ZFHX3: variants seen among roughly 807,000 people sequenced by gnomAD.
ZFHX3 encodes zinc finger homeobox protein 3.
In ZFHX3, 42 loss-of-function variants were observed where a neutral mutation model predicts 279.1. The ratio of observed to expected loss-of-function variants is 0.15; its 90% CI spans 0.12 to 0.19. The LOEUF (loss-of-function observed/expected upper bound fraction) is 0.19, where lower values mean the gene tolerates loss of function less well. Ranked by LOEUF, ZFHX3 falls within the 10% of genes least tolerant of loss-of-function variation. The pLI is 1.00. For missense variants in ZFHX3, 4,981 were observed against 4,754.0 expected, an observed-to-expected ratio of 1.05 and a Z score of -1.40; for synonymous variants, 2,293 against 1,957.8, an observed-to-expected ratio of 1.17 and a Z score of -4.52.
chr16:72,917,669 G>A (rs1031792898), intron 3 of ZFHX3, among the ~76,000 whole-genome samples: 1 of 152,098 alleles, frequency 6.6e-6, no homozygotes, highest in East Asian at 1.9e-4. Flanking sequence ...TCAATTCTAC[G>A]AAATAATAAT....
chr16:73,413,015 T>C (rs1597325039), intron 3 of ZFHX3, among the ~76,000 whole-genome samples: 1 of 152,162 alleles, frequency 6.6e-6, no homozygotes. Flanking sequence ...GAAAAATGTA[T>C]AGAAAGCTGC....
chr16:73,594,512 ACTTAT>A (rs2052029026), intron 2 of ZFHX3, among the ~76,000 whole-genome samples: 1 of 152,216 alleles, frequency 6.6e-6, no homozygotes, highest in Non-Finnish European at 1.5e-5. Flanking sequence ...AGGTGATAAG[ACTTAT>A]CTTGCCAGAA....
chr16:72,844,199 AGAACTAGC>A (rs1232493622), intron 4 of ZFHX3, among the ~76,000 whole-genome samples: 4 of 152,236 alleles, frequency 2.6e-5, no homozygotes, highest in African/African-American at 9.6e-5. Flanking sequence ...CCAGCCACAG[AGAACTAGC>A]AAAAGCCAAG....
In ZFHX3 at chr16:73,120,649, CCTTTTTTTTT is replaced by C. The variant is rs893354504; in HGVS notation, c.-897+10309_-897+10318del. ...TTGTTTTTCTGCCCTATCCTCTCTA[CCTTTTTTTTT>C]TTTTTTTTTTTTTGAGACAGAATCT... On this transcript the variant is annotated intron_variant, in intron 7 of 17. Coordinates refer to the ZFHX3 transcript ENST00000641206. Among the ~76,000 whole-genome samples the C allele has an allele frequency of 7.5e-5, 8 of 106,212 alleles. No homozygotes were observed. The East Asian group carries it at 1.5e-3, about 20-fold the overall frequency. The allele number at this position is 106,212 out of a possible 152,430, so 69.7% of individuals were successfully genotyped here.
chr16:73,355,465 C>T lies in ZFHX3; in HGVS notation c.-1290-37129G>A, dbSNP rs73589338. On this transcript the variant is annotated intron_variant, in intron 3 of 17. Transcript: ENST00000641206. ...CTCCTTCAACTAGGGGCAGAAAAGG[C>T]AGGTGCCATGGAGCTTTTTGGTGGC... 7.3e-3 allele frequency among the ~76,000 whole-genome samples: 1,117 copies of T among 152,284 alleles called. 6 individuals are homozygous for T. Among genetic ancestry groups the T allele is most frequent in the African/African-American group, 0.026 (1,068 of 41,536 alleles).
At chr16:73,777,643 G>A (rs1317334890) in intron 1 of ZFHX3, among the ~76,000 whole-genome samples, 1 of 150,404 alleles carries the variant, frequency 6.6e-6, no homozygotes, top group South Asian at 2.1e-4. Flanking sequence ...CTTTCCAACT[G>A]TATCAATGAT....
At chr16:73,710,106 C>G (rs1218602449) in intron 1 of ZFHX3, among the ~76,000 whole-genome samples, 1 of 152,130 alleles carries the variant, frequency 6.6e-6, no homozygotes, top group African/African-American at 2.4e-5. Flanking sequence ...TTTCTTGAAC[C>G]TGGGAGGTGG....
intron 4 of ZFHX3, among the ~76,000 whole-genome samples, chr16:73,291,351 A>G (rs924328561): frequency 3.3e-5 from 5 of 152,174 alleles, no homozygotes; most frequent in African/African-American, 1.2e-4. Flanking sequence ...GGGAGCTGCC[A>G]GTGAAAAAAA....
chr16:73,361,677 C>T (rs2016435960), intron 3 of ZFHX3, among the ~76,000 whole-genome samples: 1 of 152,158 alleles, frequency 6.6e-6, no homozygotes, highest in Non-Finnish European at 1.5e-5. Context: ...TAAAAGTTAG[C>T]AAGTTAGGGG....
At chr16:73,046,113 A>G (rs1412428617) in intron 1 of ZFHX3, among the ~76,000 whole-genome samples, 1 of 152,182 alleles carries the variant, frequency 6.6e-6, no homozygotes, top group East Asian at 1.9e-4. Context: ...CATCATAGCT[A>G]CACACTCTCT....
chr16:73,665,249 T>A (rs2052824866), intron 2 of ZFHX3, among the ~76,000 whole-genome samples: 1 of 149,464 alleles, frequency 6.7e-6, no homozygotes, highest in Non-Finnish European at 1.5e-5. Flanking sequence ...AGTCTCGCTC[T>A]GTTGCGCAGG....
At chr16:72,818,043 A>G (rs974492778) in intron 5 of ZFHX3, among the ~76,000 whole-genome samples, 2 of 152,168 alleles carry the variant, frequency 1.3e-5, no homozygotes, top group Admixed American at 6.5e-5. Context: ...TGCCCCAGAA[A>G]TTTACAGCAA....
chr16:73,872,282 C>T (rs2029863959), intron 1 of ZFHX3, among the ~76,000 whole-genome samples: 3 of 151,920 alleles, frequency 2.0e-5, no homozygotes, highest in African/African-American at 7.3e-5. Flanking sequence ...CATTTTGTTG[C>T]CCAGGCTGGA....
At chr16:73,787,550 G>A (rs1959684474) in intron 1 of ZFHX3, among the ~76,000 whole-genome samples, 1 of 152,160 alleles carries the variant, frequency 6.6e-6, no homozygotes, top group South Asian at 2.1e-4. Flanking sequence ...ATTTGGGTGA[G>A]ACCTGGATTC....
At chr16:73,473,255 T>A (rs1218337527) in intron 2 of ZFHX3, among the ~76,000 whole-genome samples, 2 of 147,804 alleles carry the variant, frequency 1.4e-5, no homozygotes, top group African/African-American at 5.1e-5. Flanking sequence ...GAGGGTCACT[T>A]GAGCCCAGGA....
At chr16:73,706,505 T>C (rs1237463481) in intron 1 of ZFHX3, among the ~76,000 whole-genome samples, 2 of 150,464 alleles carry the variant, frequency 1.3e-5, no homozygotes, top group Non-Finnish European at 3.0e-5. Flanking sequence ...ATTTCTGGAA[T>C]CATCTTTCAT....
intron 5 of ZFHX3, among the ~76,000 whole-genome samples, chr16:72,819,244 C>G (rs1189579538): frequency 7.2e-5 from 10 of 138,986 alleles, no homozygotes; most frequent in African/African-American, 2.6e-4. Flanking sequence ...CACCCCCAAT[C>G]TTGCTTACAT....
intron 3 of ZFHX3, among the ~76,000 whole-genome samples, chr16:73,441,427 T>C (rs570659191): frequency 6.6e-6 from 1 of 152,284 alleles, no homozygotes; most frequent in African/African-American, 2.4e-5. Context: ...TGCCAAGAGA[T>C]GTGCTGTATC....
At chr16:73,136,931 C>T (rs1239040783) in intron 6 of ZFHX3, among the ~76,000 whole-genome samples, 5 of 150,526 alleles carry the variant, frequency 3.3e-5, no homozygotes, top group African/African-American at 1.2e-4. Flanking sequence ...CTCCTGCCTA[C>T]TAGATAATTC....
Sources: gnomAD v4.1 joint callset for allele counts (sites outside exome capture counted in the v4.1 genomes callset) on GRCh38, gnomAD v4.1.1 for gene constraint, MANE v1.5 for transcripts, NCBI Gene and HGNC (gene_info 2026-07-23, HGNC 2026-07-21) for gene names.